The following SCAMP1 variants were observed in gnomAD, a reference collection of about 807,000 sequenced individuals.
SCAMP1 encodes the protein secretory carrier-associated membrane protein 1.
Under a neutral mutation model 41.8 loss-of-function variants are expected in SCAMP1, and 15 were observed. The observed-to-expected ratio is 0.36, with a 90% CI of 0.24 to 0.55. The LOEUF (loss-of-function observed/expected upper bound fraction) is 0.55, where lower values mean the gene tolerates loss of function less well. Ranked by LOEUF, SCAMP1 falls within the 20% of genes least tolerant of loss-of-function variation. SCAMP1 has a pLI of 0.86. For synonymous variants in SCAMP1, 135 were observed against 136.8 expected (o/e 0.99, Z 0.09); for missense variants, 341 against 412.6 (o/e 0.83, Z 1.50).
At chr5:78,464,080 C>T (rs974309508) in intron 8 of SCAMP1, among the ~76,000 whole-genome samples, 1 of 152,098 alleles carries the variant, frequency 6.6e-6, no homozygotes, top group African/African-American at 2.4e-5. Flanking sequence ...CGGGTTCAAG[C>T]GATTCTCCTG....
At chr5:78,388,807 CT>C (rs548469527) in intron 1 of SCAMP1, 29 bp from the exon 2 acceptor site, 32 of 1,197,544 alleles carry the variant, frequency 2.7e-5, no homozygotes, top group Non-Finnish European at 3.5e-5. Flanking sequence ...GATAAGTAAT[CT>C]TTTTTTTCTC....
chr5:78,442,864 G>A (rs527882814), intron 6 of SCAMP1, among the ~76,000 whole-genome samples: 90 of 152,110 alleles, frequency 5.9e-4, no homozygotes, highest in Non-Finnish European at 1.2e-3. Context: ...TCTTGGAGAT[G>A]ATGGAATTGA....
In SCAMP1 at chr5:78,376,069, TAATAA is replaced by T. The variant is rs890050734; in HGVS notation, c.58-12765_58-12761del. 8.0e-4 allele frequency among the ~76,000 whole-genome samples: 122 copies of T among 152,232 alleles called. 1 individual carries two copies. Among genetic ancestry groups the T allele is most frequent in the African/African-American group, 2.8e-3 (117 of 41,558 alleles). Reference sequence around the variant, plus strand: ...ACACCCCCTCCCCTTTTGAAATCCTTAATAAAAACCTGCTGGTTTTGAGGCTCAGG... The same window carrying T: ...ACACCCCCTCCCCTTTTGAAATCCTTAAACCTGCTGGTTTTGAGGCTCAGG... On this transcript the variant is annotated intron_variant, in intron 1 of 8. Transcript: ENST00000621999.
intron 7 of SCAMP1, among the ~76,000 whole-genome samples, chr5:78,455,146 A>G (rs1580709492): frequency 6.7e-6 from 1 of 150,328 alleles, no homozygotes; most frequent in Non-Finnish European, 1.5e-5. Flanking sequence ...TCCTGGATTC[A>G]TTAATTTTTT....
chr5:78,385,641 A>G (rs1166148476), intron 1 of SCAMP1, among the ~76,000 whole-genome samples: 1 of 152,048 alleles, frequency 6.6e-6, no homozygotes, highest in Non-Finnish European at 1.5e-5. Flanking sequence ...TTGATAGGTT[A>G]TGTCACTATT....
At chr5:78,442,220 G>GT (rs1370924705) in intron 6 of SCAMP1, among the ~76,000 whole-genome samples, 1 of 152,166 alleles carries the variant, frequency 6.6e-6, no homozygotes, top group African/African-American at 2.4e-5. Flanking sequence ...AGTATTCTCT[G>GT]TTCAGATAGG....
At chr5:78,439,921 C>G (rs1030828249) in intron 6 of SCAMP1, among the ~76,000 whole-genome samples, 29 of 152,072 alleles carry the variant, frequency 1.9e-4, no homozygotes, top group African/African-American at 6.3e-4. Flanking sequence ...TTTCTTTTTA[C>G]TCTTTTTTCT....
intron 6 of SCAMP1, among the ~76,000 whole-genome samples, chr5:78,441,185 G>A (rs960623161): frequency 6.6e-5 from 10 of 152,150 alleles, no homozygotes; most frequent in African/African-American, 1.9e-4. Context: ...GCCCTGCTTC[G>A]GCTCACCCTC....
rs552420006 is a variant in SCAMP1, at chr5:78,452,196, T to A, written c.734+2162T>A. 3.6e-3 allele frequency among the ~76,000 whole-genome samples: 552 copies of A among 151,964 alleles called. 6 individuals are homozygous for A. Among genetic ancestry groups the A allele is most frequent in the African/African-American group, 0.013 (531 of 41,392 alleles). ...TTTAGTTTTCTTTTCTTTTTTTTTTTATTATACTTTAAGTTTTAGGGTACA... is the reference window on the plus strand; with the variant it reads ...TTTAGTTTTCTTTTCTTTTTTTTTTAATTATACTTTAAGTTTTAGGGTACA... On this transcript the variant is annotated intron_variant, in intron 7 of 8. Transcript: ENST00000621999.
chr5:78,430,254 C>CAGTATTTATTTATAAATAAAT (rs1752584379), intron 6 of SCAMP1, among the ~76,000 whole-genome samples: 1 of 135,760 alleles, frequency 7.4e-6, no homozygotes, highest in Non-Finnish European at 1.6e-5. Flanking sequence ...TTTATAAATA[C>CAGTATTTATTTATAAATAAAT]AGTATTTATT....
intron 1 of SCAMP1, among the ~76,000 whole-genome samples, chr5:78,380,787 C>T (rs985014253): frequency 6.6e-6 from 1 of 152,070 alleles, no homozygotes; most frequent in Non-Finnish European, 1.5e-5. Flanking sequence ...ATTTGAAGGC[C>T]GGGAGCGGTG....
chr5:78,368,414 C>G (rs140694624), intron 1 of SCAMP1, among the ~76,000 whole-genome samples: 81 of 152,240 alleles, frequency 5.3e-4, no homozygotes, highest in African/African-American at 1.9e-3. Context: ...GCTGATATTA[C>G]CAAAAGTTTT....
At chr5:78,406,267 C>A (rs377635194) in intron 2 of SCAMP1, among the ~76,000 whole-genome samples, 19 of 152,102 alleles carry the variant, frequency 1.2e-4, no homozygotes, top group South Asian at 1.0e-3. Flanking sequence ...ATAGAAGGGC[C>A]CAGAGTTTGC....
intron 2 of SCAMP1, among the ~76,000 whole-genome samples, chr5:78,394,084 G>C (rs1471023914): frequency 2.0e-5 from 3 of 152,116 alleles, no homozygotes; most frequent in Non-Finnish European, 4.4e-5. Context: ...TATGATTTCT[G>C]TCACATAGAG....
At position 78,479,918 on chromosome 5, in the gene SCAMP1, C is replaced by T. The variant is rs956936665; in HGVS notation, c.*4250C>T. ...AAAATTAGCTGAGCATGGTGGCGGG[C>T]GCCTGTAGTCCCAGCTACTTGGGAG... On this transcript the variant is annotated 3_prime_UTR_variant, in exon 9 of 9. Coordinates refer to ENST00000621999, the MANE Select transcript of SCAMP1 (RefSeq NM_004866.6). 3.3e-5 allele frequency among the ~76,000 whole-genome samples: 5 copies of T among 152,012 alleles called. No homozygotes were observed. Among genetic ancestry groups the T allele is most frequent in the East Asian group, 1.9e-4 (1 of 5,162 alleles).
intron 8 of SCAMP1, among the ~76,000 whole-genome samples, chr5:78,467,045 C>T (rs1282426587): frequency 8.5e-5 from 13 of 152,048 alleles, no homozygotes; most frequent in Admixed American, 5.2e-4. Flanking sequence ...ATGTTTTCCA[C>T]GTTGACCTTG....
At chr5:78,376,481 A>G (rs373748324) in intron 1 of SCAMP1, among the ~76,000 whole-genome samples, 7 of 152,168 alleles carry the variant, frequency 4.6e-5, no homozygotes, top group Admixed American at 6.5e-5. Flanking sequence ...AACGAATGTC[A>G]TTTATTATTG....
intron 6 of SCAMP1, among the ~76,000 whole-genome samples, chr5:78,428,511 T>C (rs932673876): frequency 6.6e-5 from 10 of 152,312 alleles, no homozygotes; most frequent in South Asian, 2.1e-4. Context: ...TATGCCTTTC[T>C]TGACTAATGT....
intron 2 of SCAMP1, among the ~76,000 whole-genome samples, chr5:78,392,930 A>T (rs887441608): frequency 2.0e-5 from 3 of 152,178 alleles, no homozygotes; most frequent in African/African-American, 7.2e-5. Context: ...TATTTTTATC[A>T]TAGGACAGTG....
Sources: allele counts gnomAD v4.1 joint callset (sites outside exome capture counted in the v4.1 genomes callset), GRCh38; gene constraint gnomAD v4.1.1; transcripts MANE v1.5; gene names NCBI Gene and HGNC (gene_info 2026-07-23, HGNC 2026-07-21).